CENPO: variants seen among roughly 807,000 people sequenced by gnomAD.
CENPO encodes the protein centromeric protein O.
CENPO carries 30 observed loss-of-function variants against 36.1 expected under a neutral mutation model. That is an observed-to-expected ratio of 0.83 (90% CI 0.62 to 1.13). The LOEUF is 1.13. Among genes scored for constraint, CENPO ranks in the 50% most tolerant of loss-of-function variants. The pLI, the probability that CENPO is intolerant of heterozygous loss-of-function variation, is 0.00. For synonymous variants in CENPO, 171 were observed against 142.3 expected (o/e 1.20, Z -1.44); for missense variants, 349 against 357.8 (o/e 0.98, Z 0.20).
At chr2:24,798,740 G>A (rs972066595) in intron 2 of CENPO, among the ~76,000 whole-genome samples, 4 of 151,746 alleles carry the variant, frequency 2.6e-5, no homozygotes, top group Non-Finnish European at 5.9e-5. Context: ...GATTACAGGC[G>A]TGAGCCACCG....
rs1254639600 is a variant in CENPO, at chr2:24,815,581, T to A, written c.419T>A (p.Val140Glu). The A allele has an allele frequency of 6.2e-7, 1 of 1,614,112 alleles. No homozygotes were observed. The highest frequency in any genetic ancestry group is 2.2e-5 in the East Asian group (1 of 44,882). ...GGGAACCTATTGGATTCCTATTTTG[T>A]GGACCTTGTCATACAGAAACCACTC... ...FEGNLLDSYF[V>E]DLVIQKPLRI... Residue 140 changes from valine (V) to glutamate (E), a missense_variant, in exon 5 of 8, where the codon GTG becomes GAG. Val to Glu is a moderately radical substitution (Grantham distance 121, BLOSUM62 -2). Coordinates refer to ENST00000380834, the MANE Select transcript of CENPO (RefSeq NM_001322101.2).
Position 24,820,175 on chromosome 2 carries a change from T to TG in CENPO, c.*862dup. ...GGGGGGAGCCTAGACTGAGGGCGGGTGGGGGCTTTGGGTGGTTGGAGCCGA... is the reference window on the plus strand; with the variant it reads ...GGGGGGAGCCTAGACTGAGGGCGGGTGGGGGGCTTTGGGTGGTTGGAGCCGA... On this transcript the variant is annotated 3_prime_UTR_variant, in exon 8 of 8. Transcript: ENST00000380834. 2.4e-6 allele frequency: 1 copy of TG among 425,520 alleles called. No individual in the cohort carries two copies. The highest frequency in any genetic ancestry group is 3.9e-6 in the Non-Finnish European group (1 of 259,334). 26.4% of individuals were successfully genotyped at this position (425,520 alleles called of 1,614,324 possible).
At position 24,821,474 on chromosome 2, in the gene CENPO, G is replaced by T; in HGVS notation, c.*2156G>T. The stretch of plus-strand genomic sequence containing the variant: ...TGGTGGTGGGCCAGGCCCCTGCATG[G>T]GAAGGGAGCCTGCTGCGGGGCAGGC... On this transcript the variant is annotated 3_prime_UTR_variant, in exon 8 of 8. Transcript: ENST00000380834. The T allele has an allele frequency of 6.2e-7, 1 of 1,607,780 alleles. No individual in the cohort carries two copies. Among genetic ancestry groups the T allele is most frequent in the East Asian group, 2.2e-5 (1 of 44,774 alleles).
In CENPO at chr2:24,820,520, C is replaced by G; in HGVS notation, c.*1202C>G. ...AGGCCATATGCATCTAGAACTTCAG[C>G]CCAGATTTTGTGGATGGGTGGAAGT... On this transcript the variant is annotated 3_prime_UTR_variant, in exon 8 of 8. Coordinates refer to ENST00000380834, the MANE Select transcript of CENPO (RefSeq NM_001322101.2). 7.1e-7 allele frequency: 1 copy of G among 1,410,364 alleles called. No homozygotes were observed. Among genetic ancestry groups the G allele is most frequent in the South Asian group, 1.5e-5 (1 of 64,724 alleles). The allele number at this position is 1,410,364 out of a possible 1,614,324, so 87.4% of individuals were successfully genotyped here. A position where few individuals can be genotyped will look rare whatever the true frequency, so the allele number is the denominator to read the frequency against.
At position 24,815,863 on chromosome 2, in the gene CENPO, A is replaced by T. The variant is rs186844678; in HGVS notation, c.594+107A>T. 27 of 1,020,238 alleles carry T rather than the reference A, an allele frequency of 2.6e-5. No individual in the cohort carries two copies. In the Admixed American group the frequency reaches 6.1e-4, roughly 23 times the overall value. The allele number at this position is 1,020,238 out of a possible 1,614,324, so 63.2% of individuals were successfully genotyped here. ...TTCCTAACTGTGAGTTAGAAGTTTG[A>T]CCGTTACCTTTCCGATGCTTGTTTC... is the stretch of plus-strand genomic sequence containing the variant. On this transcript the variant is annotated intron_variant, in intron 5 of 7. Transcript: ENST00000380834.
intron 5 of CENPO, 156 bp downstream of exon 5, chr2:24,815,912 C>A: frequency 1.4e-6 from 1 of 708,068 alleles, no homozygotes; most frequent in Non-Finnish European, 2.3e-6. Flanking sequence ...AGCACTATCC[C>A]ACCCTCTTTT....
intron 2 of CENPO, among the ~76,000 whole-genome samples, chr2:24,797,434 T>C (rs1283862548): frequency 6.6e-6 from 1 of 152,148 alleles, no homozygotes; most frequent in Non-Finnish European, 1.5e-5. Flanking sequence ...GAGATACATA[T>C]TTGTGTGGCA....
In CENPO at chr2:24,820,277, G is replaced by T; in HGVS notation, c.*959G>T. On this transcript the variant is annotated 3_prime_UTR_variant, in exon 8 of 8. Coordinates refer to ENST00000380834, the MANE Select transcript of CENPO (RefSeq NM_001322101.2). ...GGCCAAGCCCTTCCACCCGTGGCGA[G>T]CAGCGGGTGGGAAGGAGAACCCTGG... The T allele has an allele frequency of 8.1e-7, 1 of 1,235,708 alleles. No homozygotes were observed. The highest frequency in any genetic ancestry group is 1.1e-6 in the Non-Finnish European group (1 of 948,716). 76.5% of individuals were successfully genotyped at this position (1,235,708 alleles called of 1,614,324 possible).
At chr2:24,804,003 C>T (rs1666268095) in intron 3 of CENPO, among the ~76,000 whole-genome samples, 1 of 152,124 alleles carries the variant, frequency 6.6e-6, no homozygotes, top group African/African-American at 2.4e-5. Context: ...CTTTATGAGT[C>T]TGGGTGCTCC....
At chr2:24,796,436 T>G (rs1378586497) in intron 2 of CENPO, among the ~76,000 whole-genome samples, 1 of 152,114 alleles carries the variant, frequency 6.6e-6, no homozygotes, top group Non-Finnish European at 1.5e-5. Flanking sequence ...TGAACACAAA[T>G]GCACACGGTC....
chr2:24,805,131 T>C (rs1196407325), intron 3 of CENPO, among the ~76,000 whole-genome samples: 1 of 152,266 alleles, frequency 6.6e-6, no homozygotes, highest in Non-Finnish European at 1.5e-5. Flanking sequence ...CTACTGAGGC[T>C]TGTGCATTCG....
chr2:24,799,157 C>T (rs1168051991), intron 2 of CENPO, among the ~76,000 whole-genome samples: 2 of 151,802 alleles, frequency 1.3e-5, no homozygotes, highest in Admixed American at 6.6e-5. Context: ...CCACCATGCC[C>T]GGCTAATTTT....
rs1667499254 is a variant in CENPO, at chr2:24,820,667, TC to T, written c.*1351del. ...GCAGGGGCACGTGGGAAAGCACTGT[TC>T]CGGTTTTGTTCTCATGCCGAGTCTG... On this transcript the variant is annotated 3_prime_UTR_variant, in exon 8 of 8. Transcript: ENST00000380834. 5.0e-6 allele frequency: 8 copies of T among 1,607,440 alleles called. No individual in the cohort carries two copies. Among genetic ancestry groups the T allele is most frequent in the African/African-American group, 4.0e-5 (3 of 74,906 alleles).
At chr2:24,802,995 T>G (rs1475044354) in intron 3 of CENPO, among the ~76,000 whole-genome samples, 1 of 152,224 alleles carries the variant, frequency 6.6e-6, no homozygotes, top group Non-Finnish European at 1.5e-5. Context: ...AATTATTGCC[T>G]CAATTTCAGA....
intron 3 of CENPO, among the ~76,000 whole-genome samples, chr2:24,801,838 A>G (rs897333512): frequency 6.6e-6 from 1 of 152,118 alleles, no homozygotes; most frequent in Non-Finnish European, 1.5e-5. Flanking sequence ...ATGAATTTTA[A>G]AGTAGTTTTT....
intron 3 of CENPO, among the ~76,000 whole-genome samples, chr2:24,805,547 G>A (rs192026888): frequency 0.055 from 8,298 of 152,204 alleles, 301 homozygotes; most frequent in Non-Finnish European, 0.079. Flanking sequence ...TCTAACAGTC[G>A]GGACCCTCAG....
In CENPO at chr2:24,819,765, C is replaced by G. The variant is rs1378346313; in HGVS notation, c.*447C>G. 4 of 707,330 alleles carry G rather than the reference C, an allele frequency of 5.7e-6. No individual in the cohort carries two copies. In the African/African-American group the frequency reaches 7.3e-5, roughly 13 times the overall value. 43.8% of individuals were successfully genotyped at this position (707,330 alleles called of 1,614,324 possible). A position where few individuals can be genotyped will look rare whatever the true frequency, so the allele number is the denominator to read the frequency against. On this transcript the variant is annotated 3_prime_UTR_variant, in exon 8 of 8. Coordinates refer to ENST00000380834, the MANE Select transcript of CENPO (RefSeq NM_001322101.2). ...ACACTACAGGCACACACAGGAATAG[C>G]AGGGCCACCCTCAGAGCTCACACAT...
At chr2:24,816,461 G>A in intron 5 of CENPO, 185 bp from the exon 6 acceptor site, 1 of 570,450 alleles carries the variant, frequency 1.8e-6, no homozygotes, top group Non-Finnish European at 3.1e-6. Flanking sequence ...GGCTGCCAGT[G>A]ACTCTTAGTT....
chr2:24,820,086 C>A lies in CENPO; in HGVS notation c.*768C>A. On this transcript the variant is annotated 3_prime_UTR_variant, in exon 8 of 8. Transcript: ENST00000380834. The stretch of plus-strand genomic sequence containing the variant: ...CCTCACAAAGCGGAAGCCGTACTCT[C>A]GGAGGATGACTTGGGTTTCTTCTAC... The A allele has an allele frequency of 6.7e-7, 1 of 1,483,166 alleles. No homozygotes were observed. Among genetic ancestry groups the A allele is most frequent in the Non-Finnish European group, 9.0e-7 (1 of 1,106,156 alleles). 91.9% of individuals were successfully genotyped at this position (1,483,166 alleles called of 1,614,324 possible).
Sources: allele counts gnomAD v4.1 joint callset (sites outside exome capture counted in the v4.1 genomes callset), GRCh38; gene constraint gnomAD v4.1.1; transcripts MANE v1.5; gene names NCBI Gene and HGNC (gene_info 2026-07-23, HGNC 2026-07-21).